OR2F1: variants seen among roughly 807,000 people sequenced by gnomAD.
OR2F1 encodes the protein olfactory receptor family 2 subfamily F member 1, also known as olfactory receptor 2F1.
For missense variants in OR2F1, 389 were observed against 378.2 expected (o/e 1.03, Z -0.24); for synonymous variants, 146 against 155.3 (o/e 0.94, Z 0.44).
rs1207501593 is a variant in OR2F1, at chr7:143,961,120, T to C, written c.*196T>C. 1.3e-5 allele frequency: 7 copies of C among 550,998 alleles called. No individual in the cohort carries two copies. Among genetic ancestry groups the C allele is most frequent in the Non-Finnish European group, 2.3e-5 (7 of 304,760 alleles). 34.1% of individuals were successfully genotyped at this position (550,998 alleles called of 1,614,324 possible). A position where few individuals can be genotyped will look rare whatever the true frequency, so the allele number is the denominator to read the frequency against. On this transcript the variant is annotated 3_prime_UTR_variant, in exon 3 of 3. Transcript: ENST00000641412. ...GGGGTTATATTTATGAACAGTGGAG[T>C]TAGATACTGCTGTTATAAAACCTCC... is the stretch of plus-strand genomic sequence containing the variant.
rs1433994746 is a variant in OR2F1, at chr7:143,963,812, G to A, written c.*2888G>A. On this transcript the variant is annotated 3_prime_UTR_variant, in exon 3 of 3. Transcript: ENST00000641412. ...GACTCAGGCAATCTAGTCCTTCCAT[G>A]TTCCTCTGCCTGCTTTTATCCTAGC... The A allele has an allele frequency of 1.3e-5, 2 of 152,250 alleles. No homozygotes were observed. Among genetic ancestry groups the A allele is most frequent in the African/African-American group, 2.4e-5 (1 of 41,446 alleles). The allele number at this position is 152,250 out of a possible 1,614,324, so 9.4% of individuals were successfully genotyped here.
At position 143,960,287 on chromosome 7, in the gene OR2F1, C is replaced by A. The variant is rs759961806; in HGVS notation, c.317C>A (p.Ala106Asp). ...SCAAQLFFSL[A>D]LGGIEFVLLA... is the part of the protein sequence containing the mutation. ...GCAGCCCAGTTATTTTTCTCCCTGGCCTTGGGTGGGATTGAGTTTGTTCTC... is the reference window on the plus strand; with the variant it reads ...GCAGCCCAGTTATTTTTCTCCCTGGACTTGGGTGGGATTGAGTTTGTTCTC... Residue 106 changes from alanine to aspartate, a missense_variant, in exon 3 of 3, where the codon GCC (alanine) becomes GAC (aspartate). Physicochemically the swap from Ala to Asp is moderately radical, Grantham distance 126 (BLOSUM62 -2). Coordinates refer to ENST00000641412, the MANE Select transcript of OR2F1 (RefSeq NM_012369.3). The A allele has an allele frequency of 6.2e-7, 1 of 1,614,138 alleles. No homozygotes were observed. The highest frequency in any genetic ancestry group is 1.3e-5 in the African/African-American group (1 of 75,022).
chr7:143,956,582 A>G (rs2050287553), intron 1 of OR2F1, among the ~76,000 whole-genome samples: 1 of 152,332 alleles, frequency 6.6e-6, no homozygotes, highest in Non-Finnish European at 1.5e-5. Context: ...TTAATAAAAT[A>G]AAGTTAGTCA....
rs2050353645 is a variant in OR2F1 at position 143,964,330 on chromosome 7, C to T, written c.*3406C>T. On this transcript the variant is annotated 3_prime_UTR_variant, in exon 3 of 3. Transcript: ENST00000641412. ...TTTCATTAGTTAATAACCATAAAAA[C>T]ACCACTGAAGGTTTTCCTTAAAAAT... 6.6e-6 allele frequency: 1 copy of T among 152,016 alleles called. No individual in the cohort carries two copies. Among genetic ancestry groups the T allele is most frequent in the South Asian group, 2.1e-4 (1 of 4,816 alleles). The allele number at this position is 152,016 out of a possible 1,614,324, so 9.4% of individuals were successfully genotyped here.
rs1562997396 is a variant in OR2F1, at chr7:143,961,175, C to T, written c.*251C>T. 1.3e-5 allele frequency: 6 copies of T among 446,650 alleles called. No individual in the cohort carries two copies. The highest frequency in any genetic ancestry group is 3.9e-5 in the Admixed American group (1 of 25,482). 27.7% of individuals were successfully genotyped at this position (446,650 alleles called of 1,614,324 possible). On this transcript the variant is annotated 3_prime_UTR_variant, in exon 3 of 3. Transcript: ENST00000641412. ...CTTCTTCCACCTCCACTCTTACAGC[C>T]TGACAATCGTTGAAAAAAAATTACT...
intron 1 of OR2F1, among the ~76,000 whole-genome samples, chr7:143,956,430 A>G (rs576748853): frequency 5.5e-4 from 84 of 152,276 alleles, no homozygotes; most frequent in Middle Eastern, 3.4e-3. Context: ...TTGAATATTA[A>G]TTATTTTGAA....
chr7:143,960,504 C>T lies in OR2F1; in HGVS notation c.534C>T (p.Ser178=). The T allele has an allele frequency of 6.2e-7, 1 of 1,614,222 alleles. No individual in the cohort carries two copies. Among genetic ancestry groups the T allele is most frequent in the Non-Finnish European group, 8.5e-7 (1 of 1,180,052 alleles). Residue 178 remains serine, a synonymous_variant, in exon 3 of 3, where the codon TCC becomes TCT. Coordinates refer to ENST00000641412, the MANE Select transcript of OR2F1 (RefSeq NM_012369.3). ...MCRNKFIDHI[S]CELLAVVRLA... Reference sequence around the variant, plus strand: ...GAAACAAGTTTATTGATCACATATCCTGTGAACTCCTAGCTGTGGTCAGGC... The same window carrying T: ...GAAACAAGTTTATTGATCACATATCTTGTGAACTCCTAGCTGTGGTCAGGC...
chr7:143,960,842 G>A lies in OR2F1; in HGVS notation c.872G>A (p.Ser291Asn), dbSNP rs774090933. The A allele has an allele frequency of 1.9e-6, 3 of 1,614,106 alleles. No individual in the cohort carries two copies. The Admixed American group carries it at 5.0e-5, about 27-fold the overall frequency. Residue 291 changes from serine to asparagine, a missense_variant, in exon 3 of 3, where the codon AGC becomes AAC. By Grantham distance (46) the Ser-to-Asn change is conservative. Transcript: ENST00000641412. ...CCAATGCTGAACCCCATGATTTACA[G>A]CCTAAGGAATAAAGAGGTGAAGGGG... ...LTPMLNPMIY[S>N]LRNKEVKGAW...
At chr7:143,956,103 G>A (rs1431984476) in intron 1 of OR2F1, among the ~76,000 whole-genome samples, 3 of 152,112 alleles carry the variant, frequency 2.0e-5, no homozygotes, top group Non-Finnish European at 4.4e-5. Flanking sequence ...CTCAATGAAT[G>A]TCACCGGTGT....
chr7:143,960,326 C>G lies in OR2F1; in HGVS notation c.356C>G (p.Ala119Gly). ...GIEFVLLAVM[A>G]YDRYVAVCDA... ...GAGTTTGTTCTCCTGGCGGTGATGG[C>G]CTATGACCGCTATGTGGCTGTGTGT... The change falls in exon 3 of 3, where the codon GCC (alanine) becomes GGC (glycine). Residue 119 changes from alanine to glycine, a missense_variant. Physicochemically the swap from Ala to Gly is moderately conservative, Grantham distance 60. Transcript: ENST00000641412. 6.2e-7 allele frequency: 1 copy of G among 1,614,168 alleles called. No individual in the cohort carries two copies. The highest frequency in any genetic ancestry group is 8.5e-7 in the Non-Finnish European group (1 of 1,180,040).
rs532652899 is a variant in OR2F1, at chr7:143,957,913, G to T, written c.-179-1040G>T. Among the ~76,000 whole-genome samples the T allele has an allele frequency of 9.2e-5, 14 of 152,256 alleles. 1 individual carries two copies. In the South Asian group the frequency reaches 2.7e-3, roughly 29 times the overall value. On this transcript the variant is annotated intron_variant, in intron 1 of 2. Transcript: ENST00000641412. ...AAACACATGTGTATCTAAAACAGGA[G>T]CTGTTAGACTCTGAAGTTCACACTT...
In OR2F1 at chr7:143,958,739, G is replaced by A. The variant is rs372184912; in HGVS notation, c.-179-214G>A. On this transcript the variant is annotated intron_variant, in intron 1 of 2. Transcript: ENST00000641412. ...TACAATGTAATTTGTTTTTATTTAT[G>A]TTCAAAATTGATGCTATAACATTAG... 3.6e-4 allele frequency among the ~76,000 whole-genome samples: 55 copies of A among 151,958 alleles called. No homozygotes were observed. The Middle Eastern group carries it at 0.01, about 28-fold the overall frequency.
chr7:143,957,052 C>T (rs1277846569), intron 1 of OR2F1, among the ~76,000 whole-genome samples: 2 of 152,180 alleles, frequency 1.3e-5, no homozygotes, highest in Non-Finnish European at 2.9e-5. Flanking sequence ...ATTCATTCAG[C>T]TTTTCTGGAA....
rs1453429405 is a variant in OR2F1 at position 143,960,120 on chromosome 7, A to G, written c.150A>G (p.Arg50=). 4 of 1,613,964 alleles carry G rather than the reference A, an allele frequency of 2.5e-6. No individual in the cohort carries two copies. The East Asian group carries it at 6.7e-5, about 27-fold the overall frequency. The change falls in exon 3 of 3, where the codon AGA becomes AGG. Residue 50 remains arginine (R), a synonymous_variant. Coordinates refer to ENST00000641412, the MANE Select transcript of OR2F1 (RefSeq NM_012369.3). ...ACTGTCTCATTGTCCTTCTGATCAG[A>G]CTGGACAGCCGACTCCACACTCCCA... ...LGNCLIVLLI[R]LDSRLHTPMY...
rs1446604492 is a variant in OR2F1 at position 143,964,287 on chromosome 7, A to T, written c.*3363A>T. On this transcript the variant is annotated 3_prime_UTR_variant, in exon 3 of 3. Coordinates refer to ENST00000641412, the MANE Select transcript of OR2F1 (RefSeq NM_012369.3). ...AAAATTTAAAAAGACACTGAAAAGT[A>T]TTTGAAAATAAAATATTTTTCATTA... The T allele has an allele frequency of 6.6e-6, 1 of 152,190 alleles. No individual in the cohort carries two copies. Among genetic ancestry groups the T allele is most frequent in the Non-Finnish European group, 1.5e-5 (1 of 68,022 alleles). 9.4% of individuals were successfully genotyped at this position (152,190 alleles called of 1,614,324 possible). A position where few individuals can be genotyped will look rare whatever the true frequency, so the allele number is the denominator to read the frequency against.
Position 143,960,685 on chromosome 7 carries a change from C to G in OR2F1, c.715C>G (p.His239Asp). 6.2e-7 allele frequency: 1 copy of G among 1,614,064 alleles called. No individual in the cohort carries two copies. Residue 239 changes from histidine to aspartate, a missense_variant, in exon 3 of 3, where the codon CAC (histidine) becomes GAC (aspartate). His to Asp is a moderately conservative substitution (Grantham distance 81). Transcript: ENST00000641412. Reference protein sequence around the residue: ...QSREGRKKAFHTCASHLTVVA... With the variant: ...QSREGRKKAFDTCASHLTVVA... ...CAGAGAAGGAAGAAAGAAAGCTTTC[C>G]ACACGTGTGCCTCTCACCTCACAGT...
At chr7:143,959,559 G>C (rs1187416349) in intron 2 of OR2F1, among the ~76,000 whole-genome samples, 1 of 152,156 alleles carries the variant, frequency 6.6e-6, no homozygotes, top group Non-Finnish European at 1.5e-5. Flanking sequence ...ATCAAGATGA[G>C]TCTAGTTGAC....
rs780796034 is a variant in OR2F1, at chr7:143,960,318, G to A, written c.348G>A (p.Ala116=). 4.6e-5 allele frequency: 74 copies of A among 1,614,040 alleles called. No homozygotes were observed. The highest frequency in any genetic ancestry group is 9.9e-5 in the South Asian group (9 of 91,070). ...GTGGGATTGAGTTTGTTCTCCTGGC[G>A]GTGATGGCCTATGACCGCTATGTGG... ...ALGGIEFVLL[A]VMAYDRYVAV... is the part of the protein sequence containing the mutation. The change falls in exon 3 of 3, where the codon GCG becomes GCA. Residue 116 remains alanine (A), a synonymous_variant. Coordinates refer to ENST00000641412, the MANE Select transcript of OR2F1 (RefSeq NM_012369.3).
chr7:143,960,389 T>C lies in OR2F1; in HGVS notation c.419T>C (p.Leu140Pro), dbSNP rs766003778. The change falls in exon 3 of 3, where the codon CTG becomes CCG. Residue 140 changes from leucine (L) to proline (P), a missense_variant. By Grantham distance (98) the Leu-to-Pro change is moderately conservative. Coordinates refer to ENST00000641412, the MANE Select transcript of OR2F1 (RefSeq NM_012369.3). Reference sequence around the variant, plus strand: ...TACTCGGCCATCATGCATGGAGGGCTGTGTGCTAGGTTGGCCATCACATCC... The same window carrying C: ...TACTCGGCCATCATGCATGGAGGGCCGTGTGCTAGGTTGGCCATCACATCC... ...LRYSAIMHGG[L>P]CARLAITSWV... The C allele has an allele frequency of 6.2e-7, 1 of 1,614,092 alleles. No individual in the cohort carries two copies. Among genetic ancestry groups the C allele is most frequent in the African/African-American group, 1.3e-5 (1 of 74,940 alleles).
Sources: gnomAD v4.1 joint callset for allele counts (sites outside exome capture counted in the v4.1 genomes callset) on GRCh38, gnomAD v4.1.1 for gene constraint, MANE v1.5 for transcripts, NCBI Gene and HGNC (gene_info 2026-07-23, HGNC 2026-07-21) for gene names.